The following SOWAHA variants were observed in gnomAD, a reference collection of about 807,000 sequenced individuals.
SOWAHA encodes ankyrin repeat domain-containing protein SOWAHA.
In SOWAHA, 17 loss-of-function variants were observed where a neutral mutation model predicts 21.1. The ratio of observed to expected loss-of-function variants is 0.80; its 90% confidence interval spans 0.55 to 1.21. SOWAHA has a LOEUF of 1.21. Ranked by LOEUF, SOWAHA falls within the 50% of genes most tolerant of loss-of-function variation. The pLI is 0.00. For synonymous variants in SOWAHA, 422 were observed against 397.1 expected, an observed-to-expected ratio of 1.06 and a Z score of -0.75; for missense variants, 862 against 816.0, an observed-to-expected ratio of 1.06 and a Z score of -0.69.
chr5:132,815,406 C>T lies in SOWAHA; in HGVS notation c.*135C>T, dbSNP rs1758375559. The T allele has an allele frequency of 6.8e-6, 5 of 734,076 alleles. No homozygotes were observed. The Admixed American group carries it at 1.5e-4, about 22-fold the overall frequency. The allele number at this position is 734,076 out of a possible 1,614,324, so 45.5% of individuals were successfully genotyped here. A position where few individuals can be genotyped will look rare whatever the true frequency, so the allele number is the denominator to read the frequency against. On this transcript the variant is annotated 3_prime_UTR_variant, in exon 1 of 1. Coordinates refer to ENST00000378693, the MANE Select transcript of SOWAHA (RefSeq NM_175873.6). ...CTTTGTCCAGGGCAGCCTGTTTTAC[C>T]CAGATGGGCCTGCACCTCCAGCTTC...
rs1223223130 is a variant in SOWAHA at position 132,816,651 on chromosome 5, A to G, written c.*1380A>G. On this transcript the variant is annotated 3_prime_UTR_variant, in exon 1 of 1. Transcript: ENST00000378693. Reference sequence around the variant, plus strand: ...GTGTTTGCATGTCATTAGTTATATCAAATAGTTTTGTGGCATGGGGTAGTG... The same window carrying G: ...GTGTTTGCATGTCATTAGTTATATCGAATAGTTTTGTGGCATGGGGTAGTG... 1 of 167,104 alleles carries G rather than the reference A, an allele frequency of 6.0e-6. No individual in the cohort carries two copies. 10.4% of individuals were successfully genotyped at this position (167,104 alleles called of 1,614,324 possible). A position where few individuals can be genotyped will look rare whatever the true frequency, so the allele number is the denominator to read the frequency against.
chr5:132,814,215 G>T lies in SOWAHA; in HGVS notation c.594G>T (p.Pro198=), dbSNP rs1456493831. 4 of 1,575,020 alleles carry T rather than the reference G, an allele frequency of 2.5e-6. No homozygotes were observed. Among genetic ancestry groups the T allele is most frequent in the Admixed American group, 1.7e-5 (1 of 57,978 alleles). The change falls in exon 1 of 1, where the codon CCG becomes CCT. Residue 198 remains proline, a synonymous_variant. Transcript: ENST00000378693. The part of the protein sequence containing the change: ...PSEAASPCSD[P]PDAEPGPGAA... Reference sequence around the variant, plus strand: ...AGGCGGCATCGCCCTGCTCTGATCCGCCAGACGCGGAGCCCGGGCCCGGGG... The same window carrying T: ...AGGCGGCATCGCCCTGCTCTGATCCTCCAGACGCGGAGCCCGGGCCCGGGG...
chr5:132,815,114 A>G lies in SOWAHA; in HGVS notation c.1493A>G (p.Lys498Arg). ...MLQDLARGLKKSSSFSKFLSA... is the reference protein window; with the variant it reads ...MLQDLARGLKRSSSFSKFLSA... ...CAGGACCTGGCCCGAGGCTTGAAGA[A>G]GTCGAGCTCCTTCAGCAAGTTCTTG... The change falls in exon 1 of 1, where the codon AAG becomes AGG. Residue 498 changes from lysine to arginine, a missense_variant. Lys to Arg is a conservative substitution (Grantham distance 26). Coordinates refer to ENST00000378693, the MANE Select transcript of SOWAHA (RefSeq NM_175873.6). The G allele has an allele frequency of 6.2e-7, 1 of 1,614,042 alleles. No individual in the cohort carries two copies.
rs1040809254 is a variant in SOWAHA, at chr5:132,816,576, A to G, written c.*1305A>G. The G allele has an allele frequency of 5.7e-4, 95 of 167,190 alleles. No homozygotes were observed. Among genetic ancestry groups the G allele is most frequent in the South Asian group, 4.1e-4 (2 of 4,820 alleles). 10.4% of individuals were successfully genotyped at this position (167,190 alleles called of 1,614,324 possible). ...TTAAAGATATGAAATCTGTTTACTCAACCAATTTTTTAAATGTCATATTGT... is the reference window on the plus strand; with the variant it reads ...TTAAAGATATGAAATCTGTTTACTCGACCAATTTTTTAAATGTCATATTGT... On this transcript the variant is annotated 3_prime_UTR_variant, in exon 1 of 1. Coordinates refer to ENST00000378693, the MANE Select transcript of SOWAHA (RefSeq NM_175873.6).
In SOWAHA at chr5:132,814,762, C is replaced by T. The variant is rs1287098756; in HGVS notation, c.1141C>T (p.Arg381Cys). 2.0e-6 allele frequency: 3 copies of T among 1,530,980 alleles called. No individual in the cohort carries two copies. Among genetic ancestry groups the T allele is most frequent in the Non-Finnish European group, 1.7e-6 (2 of 1,143,770 alleles). 94.8% of individuals were successfully genotyped at this position (1,530,980 alleles called of 1,614,324 possible). A position where few individuals can be genotyped will look rare whatever the true frequency, so the allele number is the denominator to read the frequency against. The stretch of plus-strand genomic sequence containing the variant: ...TGGCGCACCAGTCGACGTGAACGCA[C>T]GCTCCCACGGCGGCTACACGCCGCT... ...RSGAPVDVNA[R>C]SHGGYTPLHL... is the part of the protein sequence containing the mutation. The change falls in exon 1 of 1, where the codon CGC (arginine) becomes TGC (cysteine). Residue 381 changes from arginine (R) to cysteine (C), a missense_variant. Physicochemically the swap from Arg to Cys is radical, Grantham distance 180. Transcript: ENST00000378693.
In SOWAHA at chr5:132,813,967, G is replaced by A. The variant is rs1388339177; in HGVS notation, c.346G>A (p.Ala116Thr). The change falls in exon 1 of 1, where the codon GCC becomes ACC. Residue 116 changes from alanine (A) to threonine (T), a missense_variant. Ala to Thr is a moderately conservative substitution (Grantham distance 58, BLOSUM62 0). Transcript: ENST00000378693. ...TSTVLPRSASAPGAPPLVRVP... is the reference protein window; with the variant it reads ...TSTVLPRSASTPGAPPLVRVP... ...GACGGTCTTGCCGCGGAGCGCCTCT[G>A]CCCCGGGAGCTCCGCCCTTGGTCCG... The A allele has an allele frequency of 1.3e-6, 2 of 1,543,782 alleles. No individual in the cohort carries two copies. Among genetic ancestry groups the A allele is most frequent in the East Asian group, 2.5e-5 (1 of 40,608 alleles).
rs1350591659 is a variant in SOWAHA, at chr5:132,813,912, G to A, written c.291G>A (p.Gly97=). 2 of 1,547,090 alleles carry A rather than the reference G, an allele frequency of 1.3e-6. No homozygotes were observed. The highest frequency in any genetic ancestry group is 2.8e-5 in the African/African-American group (2 of 72,658). The part of the protein sequence containing the change: ...EPEPAPFGPP[G]AAAQPSKPTS... ...AGCCCGCACCCTTCGGCCCCCCGGG[G>A]GCAGCGGCCCAGCCGTCGAAACCCA... The change falls in exon 1 of 1, where the codon GGG becomes GGA. Residue 97 remains glycine (G), a synonymous_variant. Coordinates refer to ENST00000378693, the MANE Select transcript of SOWAHA (RefSeq NM_175873.6).
Position 132,815,309 on chromosome 5 carries a change from C to A in SOWAHA, c.*38C>A, listed in dbSNP as rs761346194. On this transcript the variant is annotated 3_prime_UTR_variant, in exon 1 of 1. Transcript: ENST00000378693. ...CTACCACCTGGTTGATCTATCGTGG[C>A]CTGCTCGTCGCAGTCCAAACCCGCC... 3.2e-6 allele frequency: 5 copies of A among 1,553,008 alleles called. No individual in the cohort carries two copies. Among genetic ancestry groups the A allele is most frequent in the Non-Finnish European group, 4.4e-6 (5 of 1,142,016 alleles).
rs932955341 is a variant in SOWAHA at position 132,813,327 on chromosome 5, G to A, written c.-295G>A. 2.0e-5 allele frequency among the ~76,000 whole-genome samples: 3 copies of A among 152,016 alleles called. No homozygotes were observed. The highest frequency in any genetic ancestry group is 4.4e-5 in the Non-Finnish European group (3 of 67,988). On this transcript the variant is annotated 5_prime_UTR_variant, in exon 1 of 1. Transcript: ENST00000378693. ...ACCTGTAAGGCGAGCGCGGCGCGGG[G>A]GATGGAAGCAGGCGCCCATTGGACA... is the stretch of plus-strand genomic sequence containing the variant.
In SOWAHA at chr5:132,814,718, T is replaced by C; in HGVS notation, c.1097T>C (p.Val366Ala). 1 of 1,511,604 alleles carries C rather than the reference T, an allele frequency of 6.6e-7. No homozygotes were observed. Among genetic ancestry groups the C allele is most frequent in the Non-Finnish European group, 8.8e-7 (1 of 1,134,366 alleles). The allele number at this position is 1,511,604 out of a possible 1,614,324, so 93.6% of individuals were successfully genotyped here. ...GACGGCGAGATGGCGCTGCAGCTGG[T>C]GGAGGTCGCGCGGCGCAGTGGCGCA... ...SGDGEMALQL[V>A]EVARRSGAPV... The change falls in exon 1 of 1, where the codon GTG becomes GCG. Residue 366 changes from valine to alanine, a missense_variant. By Grantham distance (64) the Val-to-Ala change is moderately conservative. Coordinates refer to ENST00000378693, the MANE Select transcript of SOWAHA (RefSeq NM_175873.6).
At position 132,814,326 on chromosome 5, in the gene SOWAHA, G is replaced by A. The variant is rs1396341666; in HGVS notation, c.705G>A (p.Glu235=). 6.7e-7 allele frequency: 1 copy of A among 1,485,602 alleles called. No individual in the cohort carries two copies. Among genetic ancestry groups the A allele is most frequent in the African/African-American group, 1.5e-5 (1 of 67,898 alleles). The allele number at this position is 1,485,602 out of a possible 1,614,324, so 92.0% of individuals were successfully genotyped here. Reference sequence around the variant, plus strand: ...CCGCCACGCTCCGCCTCCGGGCGGAGGAGCCCGGCCTGCGCCGGCAGCTGT... The same window carrying A: ...CCGCCACGCTCCGCCTCCGGGCGGAAGAGCCCGGCCTGCGCCGGCAGCTGT... ...PAPATLRLRA[E]EPGLRRQLSE... is the part of the protein sequence containing the mutation. Residue 235 remains glutamate, a synonymous_variant, in exon 1 of 1, where the codon GAG becomes GAA. Transcript: ENST00000378693.
rs1434384590 is a variant in SOWAHA, at chr5:132,814,142, C to T, written c.521C>T (p.Thr174Ile). 1 of 1,599,686 alleles carries T rather than the reference C, an allele frequency of 6.3e-7. No individual in the cohort carries two copies. The highest frequency in any genetic ancestry group is 8.5e-7 in the Non-Finnish European group (1 of 1,178,870). ...CCAGCCCTTGAGCTAGCCCAGGCCA[C>T]CGAGAGACCCTCCGCAGACGCGGCC... ...PLPALELAQA[T>I]ERPSADAAPP... Residue 174 changes from threonine (T) to isoleucine (I), a missense_variant, in exon 1 of 1, where the codon ACC (threonine) becomes ATC (isoleucine). Physicochemically the swap from Thr to Ile is moderately conservative, Grantham distance 89 (BLOSUM62 -1). Coordinates refer to ENST00000378693, the MANE Select transcript of SOWAHA (RefSeq NM_175873.6).
rs2150021766 is a variant in SOWAHA at position 132,814,134 on chromosome 5, C to T, written c.513C>T (p.Ala171=). 1.3e-6 allele frequency: 2 copies of T among 1,599,336 alleles called. No individual in the cohort carries two copies. Among genetic ancestry groups the T allele is most frequent in the Admixed American group, 1.7e-5 (1 of 59,890 alleles). The stretch of plus-strand genomic sequence containing the variant: ...CACCGCTTCCAGCCCTTGAGCTAGC[C>T]CAGGCCACCGAGAGACCCTCCGCAG... ...ADPPLPALEL[A]QATERPSADA... Residue 171 remains alanine, a synonymous_variant, in exon 1 of 1, where the codon GCC becomes GCT. Transcript: ENST00000378693.
rs1221756327 is a variant in SOWAHA at position 132,814,532 on chromosome 5, C to T, written c.911C>T (p.Ala304Val). Residue 304 changes from alanine (A) to valine (V), a missense_variant, in exon 1 of 1, where the codon GCG becomes GTG. Transcript: ENST00000378693. ...TTGCCCGCCGCGCCGCCGCCGTCCG[C>T]GGTGCCCCTGGAGCCGTCCGAGCAC... ...EELPAAPPPSAVPLEPSEHEW... is the reference protein window; with the variant it reads ...EELPAAPPPSVVPLEPSEHEW... 1.5e-5 allele frequency: 21 copies of T among 1,370,920 alleles called. No homozygotes were observed. The East Asian group carries it at 5.5e-4, about 36-fold the overall frequency. 84.9% of individuals were successfully genotyped at this position (1,370,920 alleles called of 1,614,324 possible).
chr5:132,815,447 C>A lies in SOWAHA; in HGVS notation c.*176C>A. The A allele has an allele frequency of 1.7e-6, 1 of 574,258 alleles. No homozygotes were observed. The highest frequency in any genetic ancestry group is 3.2e-5 in the Admixed American group (1 of 31,670). The allele number at this position is 574,258 out of a possible 1,614,324, so 35.6% of individuals were successfully genotyped here. A position where few individuals can be genotyped will look rare whatever the true frequency, so the allele number is the denominator to read the frequency against. Reference sequence around the variant, plus strand: ...CTCCAGCTTCTTTCTGAAGCATGACCCATCTCCAGAGATGGGATTTGAGAA... The same window carrying A: ...CTCCAGCTTCTTTCTGAAGCATGACACATCTCCAGAGATGGGATTTGAGAA... On this transcript the variant is annotated 3_prime_UTR_variant, in exon 1 of 1. Transcript: ENST00000378693.
chr5:132,816,117 G>A lies in SOWAHA; in HGVS notation c.*846G>A. ...TCCATCATGAAATAGAAACGTGTTT[G>A]GCACTTGTGGGTGGCTATTTTGATT... On this transcript the variant is annotated 3_prime_UTR_variant, in exon 1 of 1. Transcript: ENST00000378693. 6.0e-6 allele frequency: 1 copy of A among 167,158 alleles called. No homozygotes were observed. The allele number at this position is 167,158 out of a possible 1,614,324, so 10.4% of individuals were successfully genotyped here.
chr5:132,813,586 C>T lies in SOWAHA; in HGVS notation c.-36C>T. On this transcript the variant is annotated 5_prime_UTR_variant, in exon 1 of 1. Coordinates refer to ENST00000378693, the MANE Select transcript of SOWAHA (RefSeq NM_175873.6). ...GCGCGTCCCGCGGCGACGCGGCGCCCACCCGCCCCGGGAGCCAGGAACCCA... is the reference window on the plus strand; with the variant it reads ...GCGCGTCCCGCGGCGACGCGGCGCCTACCCGCCCCGGGAGCCAGGAACCCA... 8.4e-7 allele frequency: 1 copy of T among 1,192,312 alleles called. No homozygotes were observed. Among genetic ancestry groups the T allele is most frequent in the Non-Finnish European group, 1.0e-6 (1 of 961,382 alleles). The allele number at this position is 1,192,312 out of a possible 1,614,324, so 73.9% of individuals were successfully genotyped here. A position where few individuals can be genotyped will look rare whatever the true frequency, so the allele number is the denominator to read the frequency against.
At position 132,813,609 on chromosome 5, in the gene SOWAHA, C is replaced by G; in HGVS notation, c.-13C>G. On this transcript the variant is annotated 5_prime_UTR_variant, in exon 1 of 1. Transcript: ENST00000378693. ...CCCACCCGCCCCGGGAGCCAGGAAC[C>G]CAGGGCCCCACCATGGCGCTGGCCG... 1.5e-6 allele frequency: 2 copies of G among 1,308,258 alleles called. No individual in the cohort carries two copies. The highest frequency in any genetic ancestry group is 1.9e-6 in the Non-Finnish European group (2 of 1,034,662). 81.0% of individuals were successfully genotyped at this position (1,308,258 alleles called of 1,614,324 possible). A position where few individuals can be genotyped will look rare whatever the true frequency, so the allele number is the denominator to read the frequency against.
chr5:132,814,166 C>T lies in SOWAHA; in HGVS notation c.545C>T (p.Ala182Val), dbSNP rs373926973. 14 of 1,598,724 alleles carry T rather than the reference C, an allele frequency of 8.8e-6. No individual in the cohort carries two copies. The highest frequency in any genetic ancestry group is 1.2e-5 in the Non-Finnish European group (14 of 1,178,756). ...QATERPSADA[A>V]PPPRAPSEAA... ...ACCGAGAGACCCTCCGCAGACGCGG[C>T]CCCACCGCCTAGGGCCCCTTCTGAG... The change falls in exon 1 of 1, where the codon GCC (alanine) becomes GTC (valine). Residue 182 changes from alanine (A) to valine (V), a missense_variant. By Grantham distance (64) the Ala-to-Val change is moderately conservative. Transcript: ENST00000378693.
Sources: allele counts gnomAD v4.1 joint callset (sites outside exome capture counted in the v4.1 genomes callset), GRCh38; gene constraint gnomAD v4.1.1; transcripts MANE v1.5; gene names NCBI Gene and HGNC (gene_info 2026-07-23, HGNC 2026-07-21).